TMBIM6: variants seen among roughly 807,000 people sequenced by gnomAD.
TMBIM6 encodes bax inhibitor 1.
TMBIM6 carries 13 observed loss-of-function variants against 31.4 expected under a neutral mutation model. The ratio of observed to expected loss-of-function variants is 0.41; its 90% CI spans 0.27 to 0.66. TMBIM6 has a LOEUF of 0.66. TMBIM6 is among the 30% of genes least tolerant of loss of function. The pLI is 0.28. For missense variants in TMBIM6, 275 were observed against 289.5 expected, an observed-to-expected ratio of 0.95 and a Z score of 0.36; for synonymous variants, 85 against 101.7, an observed-to-expected ratio of 0.84 and a Z score of 0.99.
At chr12:49,759,134 C>G in intron 7 of TMBIM6, 87 bp from the exon 8 acceptor site, 1 of 1,146,924 alleles carries the variant, frequency 8.7e-7, no homozygotes, top group Non-Finnish European at 1.3e-6. Context: ...GATGTACTTT[C>G]AAGTGACTAT....
intron 1 of TMBIM6, chr12:49,742,023 C>T: frequency 2.7e-6 from 4 of 1,456,928 alleles, no homozygotes; most frequent in East Asian, 5.0e-5. Context: ...GGTGAAGGAA[C>T]GCGAAACTCC....
Position 49,758,778 on chromosome 12 carries a change from G to A in TMBIM6, c.513+16G>A. 1 of 1,604,646 alleles carries A rather than the reference G, an allele frequency of 6.2e-7. No individual in the cohort carries two copies. The highest frequency in any genetic ancestry group is 8.5e-7 in the Non-Finnish European group (1 of 1,174,550). Reference sequence around the variant, plus strand: ...GCTTTTCCAGGTAAGACTTAGCCTGGAACTTTCCAGCAGCCATTTGCCTCA... The same window carrying A: ...GCTTTTCCAGGTAAGACTTAGCCTGAAACTTTCCAGCAGCCATTTGCCTCA... On this transcript the variant is annotated intron_variant, in intron 7 of 9. Transcript: ENST00000267115.
intron 7 of TMBIM6, chr12:49,758,971 A>T (rs771130786): frequency 8.2e-4 from 524 of 635,238 alleles, no homozygotes; most frequent in Non-Finnish European, 1.3e-3. Flanking sequence ...TTGCTCAGAC[A>T]CCATTTGTGT....
intron 3 of TMBIM6, among the ~76,000 whole-genome samples, chr12:49,753,349 G>A (rs1309441721): frequency 1.3e-5 from 2 of 152,180 alleles, no homozygotes; most frequent in Admixed American, 6.6e-5. Context: ...CTGAGTAGGC[G>A]CATGGCATGC....
In TMBIM6 at chr12:49,759,227, C is replaced by T. The variant is rs1945666127; in HGVS notation, c.520C>T (p.Leu174=). 1 of 1,613,872 alleles carries T rather than the reference C, an allele frequency of 6.2e-7. No homozygotes were observed. The highest frequency in any genetic ancestry group is 1.1e-5 in the South Asian group (1 of 91,078). The part of the protein sequence containing the change: ...FGSIWLFQAN[L]YVGLVVMCGF... ...CATCTCTTACATTTGTTAGGCAAAC[C>T]TGTATGTGGGACTGGTGGTCATGTG... Residue 174 remains leucine, a synonymous_variant, in exon 8 of 10, where the codon CTG becomes TTG. Coordinates refer to ENST00000267115, the MANE Select transcript of TMBIM6 (RefSeq NM_003217.3).
chr12:49,762,733 T>C, intron 9 of TMBIM6, 140 bp from the exon 10 acceptor site: 3 of 821,692 alleles, frequency 3.7e-6, no homozygotes, highest in Non-Finnish European at 2.0e-6. Flanking sequence ...GATTCAGTTC[T>C]TGCTGAGCTA....
chr12:49,754,093 A>G (rs1168704830), intron 3 of TMBIM6, among the ~76,000 whole-genome samples: 1 of 152,124 alleles, frequency 6.6e-6, no homozygotes, highest in Admixed American at 6.5e-5. Context: ...ATTGTAAACA[A>G]ATGTTCTTTT....
chr12:49,748,265 T>C (rs1168617900), intron 1 of TMBIM6, among the ~76,000 whole-genome samples: 1 of 152,086 alleles, frequency 6.6e-6, no homozygotes, highest in Non-Finnish European at 1.5e-5. Context: ...ATAATAGTCT[T>C]TCATTTTAGG....
chr12:49,744,390 A>C (rs1398511650), intron 1 of TMBIM6: 1 of 152,158 alleles, frequency 6.6e-6, no homozygotes, highest in Non-Finnish European at 1.5e-5. Context: ...AATGTCTTCT[A>C]CCACTCTGTT....
At chr12:49,748,434 CT>C (rs1188688216) in intron 1 of TMBIM6, among the ~76,000 whole-genome samples, 3 of 152,132 alleles carry the variant, frequency 2.0e-5, no homozygotes, top group Non-Finnish European at 4.4e-5. Context: ...ATTGTGTTTA[CT>C]TGAGTTTTTT....
rs906735984 is a variant in TMBIM6 at position 49,755,819 on chromosome 12, T to TC, written c.286+72dup. ...ATATTTTCAGTATCTCTTAATTAGT[T>TC]CCCCCCCCTTTTTTTTTCTTTTTTT... On this transcript the variant is annotated intron_variant, in intron 4 of 9. Transcript: ENST00000267115. 2.2e-4 allele frequency: 335 copies of TC among 1,499,928 alleles called. 1 individual carries two copies. Among genetic ancestry groups the TC allele is most frequent in the Middle Eastern group, 2.0e-3 (11 of 5,538 alleles). The allele number at this position is 1,499,928 out of a possible 1,614,324, so 92.9% of individuals were successfully genotyped here.
intron 1 of TMBIM6, among the ~76,000 whole-genome samples, chr12:49,750,462 A>G (rs1374854022): frequency 6.6e-6 from 1 of 152,176 alleles, no homozygotes; most frequent in Admixed American, 6.5e-5. Flanking sequence ...GGAAACCTTA[A>G]ACAAAGACAC....
chr12:49,753,747 G>T (rs139630849), intron 3 of TMBIM6, among the ~76,000 whole-genome samples: 1 of 152,316 alleles, frequency 6.6e-6, no homozygotes, highest in African/African-American at 2.4e-5. Context: ...GGCAGGGATT[G>T]TGTGAAAAAT....
chr12:49,762,968 A>G lies in TMBIM6; in HGVS notation c.*72A>G. ...CTCATTTCCTTTTTGCACACATTACAGGTGGTGTGTTCTGTGATAATGAAA... is the reference window on the plus strand; with the variant it reads ...CTCATTTCCTTTTTGCACACATTACGGGTGGTGTGTTCTGTGATAATGAAA... On this transcript the variant is annotated 3_prime_UTR_variant, in exon 10 of 10. Transcript: ENST00000267115. 3 of 1,496,014 alleles carry G rather than the reference A, an allele frequency of 2.0e-6. No homozygotes were observed. The highest frequency in any genetic ancestry group is 3.4e-5 in the Admixed American group (2 of 58,606). 92.7% of individuals were successfully genotyped at this position (1,496,014 alleles called of 1,614,324 possible).
At chr12:49,753,843 A>G (rs563472566) in intron 3 of TMBIM6, among the ~76,000 whole-genome samples, 1 of 152,036 alleles carries the variant, frequency 6.6e-6, no homozygotes, top group Non-Finnish European at 1.5e-5. Flanking sequence ...AATACAGTCA[A>G]TCCTTGTTAT....
At chr12:49,758,871 A>C in intron 7 of TMBIM6, 109 bp downstream of exon 7, 1 of 927,802 alleles carries the variant, frequency 1.1e-6, no homozygotes, top group Non-Finnish European at 1.6e-6. Flanking sequence ...AGTGCTCTCT[A>C]AGCCTTCCCA....
intron 8 of TMBIM6, among the ~76,000 whole-genome samples, chr12:49,761,380 A>T: frequency 6.6e-6 from 1 of 151,980 alleles, no homozygotes; most frequent in East Asian, 1.9e-4. Flanking sequence ...TGCCCTGCTA[A>T]TTTTTGTAGA....
In TMBIM6 at chr12:49,761,781, T is replaced by A; in HGVS notation, c.690+2T>A. 2 of 1,614,060 alleles carry A rather than the reference T, an allele frequency of 1.2e-6. No individual in the cohort carries two copies. The highest frequency in any genetic ancestry group is 1.7e-6 in the Non-Finnish European group (2 of 1,179,918). ...ATGATCCTGGCCATGAATGAAAAGGTTAGTTAGCCTACAACCCAAAGATGA... is the reference window on the plus strand; with the variant it reads ...ATGATCCTGGCCATGAATGAAAAGGATAGTTAGCCTACAACCCAAAGATGA... On this transcript the variant is annotated splice_donor_variant, in intron 9 of 9. Transcript: ENST00000267115. LOFTEE classifies it high-confidence loss of function.
chr12:49,742,110 C>T (rs934768512), intron 1 of TMBIM6: 5 of 1,604,656 alleles, frequency 3.1e-6, no homozygotes, highest in Non-Finnish European at 4.2e-6. Flanking sequence ...GGAGCCAAGA[C>T]TCGAGGTAGG....
Sources: gnomAD v4.1 joint callset for allele counts (sites outside exome capture counted in the v4.1 genomes callset) on GRCh38, gnomAD v4.1.1 for gene constraint, MANE v1.5 for transcripts, NCBI Gene and HGNC (gene_info 2026-07-23, HGNC 2026-07-21) for gene names.